Variants in IFT46 observed in about 807,000 individuals in gnomAD.
The protein encoded by IFT46 is intraflagellar transport protein 46 homolog.
IFT46 carries 19 observed loss-of-function variants against 39.6 expected under a neutral mutation model. The observed-to-expected ratio is 0.48, with a 90% CI of 0.33 to 0.70. The LOEUF (loss-of-function observed/expected upper bound fraction) is 0.70, where lower values mean the gene tolerates loss of function less well. IFT46 is among the 30% of genes least tolerant of loss of function. The pLI, the probability that IFT46 is intolerant of heterozygous loss-of-function variation, is 0.01. For missense variants in IFT46, 334 were observed against 364.8 expected (o/e 0.92, Z 0.69); for synonymous variants, 117 against 134.8 (o/e 0.87, Z 0.91).
chr11:118,559,576 C>T (rs1026389548), intron 3 of IFT46, among the ~76,000 whole-genome samples: 1 of 152,164 alleles, frequency 6.6e-6, no homozygotes, highest in African/African-American at 2.4e-5. Flanking sequence ...TGAAATTCCT[C>T]ACCAAAGTCA....
upstream of IFT46, among the ~76,000 whole-genome samples, chr11:118,566,565 C>A (rs1053666150): frequency 1.2e-4 from 19 of 152,128 alleles, no homozygotes; most frequent in Non-Finnish European, 2.6e-4. Flanking sequence ...TGGTGGCGGA[C>A]GCCTGTAGTC....
At chr11:118,546,177 G>A (rs479208) in intron 9 of IFT46, 2 of 718,298 alleles carry the variant, frequency 2.8e-6, no homozygotes, top group Non-Finnish European at 5.2e-6. Context: ...AGACACAGAA[G>A]ATGGCCAAGA....
In IFT46 at chr11:118,565,921, G is replaced by A. The variant is rs1280669125; in HGVS notation, c.-264C>T. On this transcript the variant is annotated 5_prime_UTR_variant, in exon 1 of 12. Coordinates refer to ENST00000264021, the MANE Select transcript of IFT46 (RefSeq NM_001168618.2). ...GCAACCAGCCTGTTGTCAGTCGCTA[G>A]GCAAAAAGATAAATTTTAAAATTCG... The A allele has an allele frequency of 1.3e-5, 2 of 152,530 alleles. No homozygotes were observed. The highest frequency in any genetic ancestry group is 3.8e-4 in the East Asian group (2 of 5,200). The allele number at this position is 152,530 out of a possible 1,614,324, so 9.4% of individuals were successfully genotyped here.
chr11:118,551,449 G>A (rs1052056931), intron 9 of IFT46, among the ~76,000 whole-genome samples: 1 of 152,036 alleles, frequency 6.6e-6, no homozygotes, highest in South Asian at 2.1e-4. Flanking sequence ...TGAGGAAGGA[G>A]GACTGCTTGA....
chr11:118,560,664 G>T, intron 2 of IFT46: 1 of 518,298 alleles, frequency 1.9e-6, no homozygotes, highest in Non-Finnish European at 3.5e-6. Context: ...CTGTCGAGCC[G>T]CAAACGCGGG....
At chr11:118,549,283 G>A (rs994653184) in intron 9 of IFT46, among the ~76,000 whole-genome samples, 2 of 149,400 alleles carry the variant, frequency 1.3e-5, no homozygotes, top group African/African-American at 2.5e-5. Context: ...TCAAGTGATC[G>A]TCCCACCTCA....
intron 3 of IFT46, chr11:118,557,948 A>G: frequency 2.1e-6 from 3 of 1,463,054 alleles, no homozygotes; most frequent in Non-Finnish European, 2.8e-6. Context: ...TGGTTTCTAT[A>G]TACCGTATGG....
chr11:118,575,766 A>C (rs1555073417), upstream of IFT46, among the ~76,000 whole-genome samples: 4 of 152,152 alleles, frequency 2.6e-5, no homozygotes. Context: ...AAAGAACTTG[A>C]CTTTTTTTGA....
chr11:118,562,608 G>C (rs1341690279), intron 2 of IFT46, among the ~76,000 whole-genome samples: 1 of 152,022 alleles, frequency 6.6e-6, no homozygotes, highest in Non-Finnish European at 1.5e-5. Flanking sequence ...CAGCTGTCAA[G>C]AGCATAAACA....
chr11:118,548,982 C>A (rs1388371639), intron 9 of IFT46, among the ~76,000 whole-genome samples: 1 of 151,106 alleles, frequency 6.6e-6, no homozygotes, highest in Admixed American at 6.6e-5. Context: ...AACATCTGCA[C>A]CCCTCCTGGG....
chr11:118,544,982 T>C lies in IFT46; in HGVS notation c.849A>G (p.Lys283=). 1 of 1,613,476 alleles carries C rather than the reference T, an allele frequency of 6.2e-7. No individual in the cohort carries two copies. The highest frequency in any genetic ancestry group is 1.3e-5 in the African/African-American group (1 of 75,056). ...TGGAATTGGATGAAGGAGTGAATGCTTTCTTGCCTTCAGCGAGAGCTTTAA... is the reference window on the plus strand; with the variant it reads ...TGGAATTGGATGAAGGAGTGAATGCCTTCTTGCCTTCAGCGAGAGCTTTAA... The part of the protein sequence containing the change: ...QHFKALAEGK[K]AFTPSSNSTS... Residue 283 remains lysine (K), a synonymous_variant, in exon 12 of 12, where the codon AAA becomes AAG. Transcript: ENST00000264021.
At chr11:118,566,689 T>C (rs958899266), upstream of IFT46, among the ~76,000 whole-genome samples, 7 of 152,190 alleles carry the variant, frequency 4.6e-5, no homozygotes, top group Admixed American at 4.6e-4. Context: ...CGAGACTCCG[T>C]CTCAAAAAAA....
chr11:118,556,730 A>G (rs1937848770), intron 4 of IFT46, among the ~76,000 whole-genome samples, 176 bp downstream of exon 4: 1 of 152,170 alleles, frequency 6.6e-6, no homozygotes, highest in African/African-American at 2.4e-5. Flanking sequence ...AAGGTAGTGG[A>G]GTCAGAAAGG....
chr11:118,568,692 G>A (rs1457862220), upstream of IFT46, among the ~76,000 whole-genome samples: 1 of 150,876 alleles, frequency 6.6e-6, no homozygotes, highest in Admixed American at 6.6e-5. Context: ...TTTGAGACAG[G>A]GTCTCACTCT....
At chr11:118,573,582 ATGTTC>A (rs1565356154), upstream of IFT46, 9 of 655,752 alleles carry the variant, frequency 1.4e-5, no homozygotes, top group Middle Eastern at 2.5e-4. Flanking sequence ...CTTTTGAAGG[ATGTTC>A]TGTTCTGTTC....
At position 118,557,004 on chromosome 11, in the gene IFT46, A is replaced by G; in HGVS notation, c.87T>C (p.Phe29=). Residue 29 remains phenylalanine, a synonymous_variant, in exon 4 of 12, where the codon TTT becomes TTC. Coordinates refer to ENST00000264021, the MANE Select transcript of IFT46 (RefSeq NM_001168618.2). The part of the protein sequence containing the change: ...KTSQLTPQRG[F]SENEDDDDDD... The stretch of plus-strand genomic sequence containing the variant: ...CATCATCGTCATCCTCATTTTCACT[A>G]AAGCCCCGTTGAGGTGTCAACTGTG... The G allele has an allele frequency of 6.2e-7, 1 of 1,612,744 alleles. No individual in the cohort carries two copies. Among genetic ancestry groups the G allele is most frequent in the Non-Finnish European group, 8.5e-7 (1 of 1,179,286 alleles).
chr11:118,566,074 C>T (rs1281500109), upstream of IFT46: 1 of 152,246 alleles, frequency 6.6e-6, no homozygotes, highest in Non-Finnish European at 1.5e-5. Flanking sequence ...GCCTGTTTGT[C>T]TATGGTTTCA....
intron 9 of IFT46, 26 bp downstream of exon 9, chr11:118,551,760 C>T (rs1555068504): frequency 6.3e-7 from 1 of 1,587,870 alleles, no homozygotes; most frequent in African/African-American, 1.3e-5. Flanking sequence ...ACTTTCTTAC[C>T]CTACCTCCTG....
Position 118,557,032 on chromosome 11 carries a change from G to GTCT in IFT46, c.56_58dup (p.Lys19dup). ...GCCCCGTTGAGGTGTCAACTGTGAGGTCTTCTTCTTCTCCTGTGATAGGGC... is the reference window on the plus strand; with the variant it reads ...GCCCCGTTGAGGTGTCAACTGTGAGGTCTTCTTCTTCTTCTCCTGTGATAGGGC... On this transcript the variant is annotated inframe_insertion, in exon 4 of 12. Transcript: ENST00000264021. The GTCT allele has an allele frequency of 6.2e-7, 1 of 1,603,098 alleles. No homozygotes were observed. Among genetic ancestry groups the GTCT allele is most frequent in the Non-Finnish European group, 8.5e-7 (1 of 1,175,356 alleles).
Sources: gnomAD v4.1 joint callset for allele counts (sites outside exome capture counted in the v4.1 genomes callset) on GRCh38, gnomAD v4.1.1 for gene constraint, MANE v1.5 for transcripts, NCBI Gene and HGNC (gene_info 2026-07-23, HGNC 2026-07-21) for gene names.